Variants in XKR4 observed in about 807,000 individuals in gnomAD.
XKR4 encodes XK related 4.
In XKR4, 12 loss-of-function variants were observed where a neutral mutation model predicts 53.9. The observed-to-expected ratio is 0.22, with a 90% CI of 0.14 to 0.36. The LOEUF is 0.36. Ranked by LOEUF, XKR4 falls within the 10% of genes least tolerant of loss-of-function variation. The pLI, the probability that XKR4 is intolerant of heterozygous loss-of-function variation, is 1.00. For missense variants in XKR4, 799 were observed against 859.5 expected, an observed-to-expected ratio of 0.93 and a Z score of 0.88; for synonymous variants, 354 against 362.4, an observed-to-expected ratio of 0.98 and a Z score of 0.26.
intron 1 of XKR4, among the ~76,000 whole-genome samples, chr8:55,287,890 A>G (rs1175715240): frequency 1.3e-5 from 2 of 152,234 alleles, no homozygotes; most frequent in African/African-American, 4.8e-5. Context: ...GCAGGAATAA[A>G]GGAACTCTGA....
Position 55,304,540 on chromosome 8 carries a change from C to A in XKR4, c.807-53138C>A, listed in dbSNP as rs192043532. ...ACTTGGTGCAGAGCTGAGTTCAATT[C>A]CTGGGTATCCTTGTTAATTTTCTGT... On this transcript the variant is annotated intron_variant, in intron 1 of 2. Transcript: ENST00000327381. 1.5e-4 allele frequency among the ~76,000 whole-genome samples: 23 copies of A among 152,228 alleles called. 1 individual carries two copies. The East Asian group carries it at 3.7e-3, about 24-fold the overall frequency.
chr8:55,367,098 G>A (rs1274533261), intron 2 of XKR4, among the ~76,000 whole-genome samples: 1 of 152,196 alleles, frequency 6.6e-6, no homozygotes, highest in Non-Finnish European at 1.5e-5. Flanking sequence ...CAAAGGAAGA[G>A]CGTTTTCAGC....
chr8:55,114,964 G>C (rs1816286254), intron 1 of XKR4, among the ~76,000 whole-genome samples: 1 of 152,178 alleles, frequency 6.6e-6, no homozygotes. Context: ...CTAGTCATGG[G>C]CATCCCCCCT....
chr8:55,188,850 GGATAAGCAA>G (rs1237281298), intron 1 of XKR4, among the ~76,000 whole-genome samples: 1 of 152,124 alleles, frequency 6.6e-6, no homozygotes, highest in African/African-American at 2.4e-5. Context: ...GTTGTTGGGA[GGATAAGCAA>G]GATAATGCAA....
At chr8:55,251,661 G>A (rs1818364064) in intron 1 of XKR4, among the ~76,000 whole-genome samples, 1 of 152,140 alleles carries the variant, frequency 6.6e-6, no homozygotes, top group African/African-American at 2.4e-5. Context: ...CATGAAGGAA[G>A]TTCATTTCCT....
At chr8:55,110,527 T>C (rs1480766) in intron 1 of XKR4, among the ~76,000 whole-genome samples, 129,077 of 152,160 alleles carry the variant, frequency 0.85, 54,856 homozygotes, top group East Asian at 0.93. Flanking sequence ...TCTAATGGTG[T>C]GGTGAATCAG....
chr8:55,425,382 G>A lies in XKR4; in HGVS notation c.1006+67505G>A, dbSNP rs553782266. Among the ~76,000 whole-genome samples the A allele has an allele frequency of 8.2e-5, 12 of 145,984 alleles. 1 individual carries two copies. Among genetic ancestry groups the A allele is most frequent in the Admixed American group, 4.2e-4 (6 of 14,184 alleles). ...CTTCCTTAGAATCTGTTCTTGCCCCGTTGTTTGTTTCATTCAACGCACTCT... is the reference window on the plus strand; with the variant it reads ...CTTCCTTAGAATCTGTTCTTGCCCCATTGTTTGTTTCATTCAACGCACTCT... On this transcript the variant is annotated intron_variant, in intron 2 of 2. Coordinates refer to ENST00000327381, the MANE Select transcript of XKR4 (RefSeq NM_052898.2).
intron 2 of XKR4, among the ~76,000 whole-genome samples, chr8:55,477,115 C>CT (rs1258270501): frequency 2.6e-5 from 4 of 151,858 alleles, no homozygotes; most frequent in Admixed American, 6.6e-5. Context: ...TCCCTGACCC[C>CT]GAGCAGCCTA....
chr8:55,303,504 G>C (rs1051865875), intron 1 of XKR4, among the ~76,000 whole-genome samples: 2 of 152,096 alleles, frequency 1.3e-5, no homozygotes, highest in African/African-American at 4.8e-5. Context: ...GGATGATGCT[G>C]GCCTCATAAA....
intron 2 of XKR4, among the ~76,000 whole-genome samples, chr8:55,513,020 C>A (rs577599476): frequency 6.6e-6 from 1 of 152,284 alleles, no homozygotes; most frequent in South Asian, 2.1e-4. Flanking sequence ...GTGCCACCTA[C>A]CCCAACACCT....
Position 55,345,984 on chromosome 8 carries a change from C to T in XKR4, c.807-11694C>T, listed in dbSNP as rs74483506. On this transcript the variant is annotated intron_variant, in intron 1 of 2. Coordinates refer to ENST00000327381, the MANE Select transcript of XKR4 (RefSeq NM_052898.2). ...GAAGATATCTAGAGTAGTCAAATCC[C>T]GAGAAGACAAAGTAGAATGGTGTTT... 7.2e-3 allele frequency among the ~76,000 whole-genome samples: 1,093 copies of T among 151,870 alleles called. 6 individuals are homozygous for T. The highest frequency in any genetic ancestry group is 0.017 in the Middle Eastern group (5 of 292).
At chr8:55,421,852 C>G (rs1323851673) in intron 2 of XKR4, among the ~76,000 whole-genome samples, 5 of 152,180 alleles carry the variant, frequency 3.3e-5, no homozygotes, top group African/African-American at 9.7e-5. Context: ...ACTAGGGAAG[C>G]AGCTGCAGGT....
At chr8:55,471,562 G>A (rs1376694843) in intron 2 of XKR4, among the ~76,000 whole-genome samples, 13 of 152,144 alleles carry the variant, frequency 8.5e-5, no homozygotes, top group South Asian at 2.1e-4. Flanking sequence ...GAGCTGTAAA[G>A]CATGGTACAG....
chr8:55,409,216 G>T (rs531350581), intron 2 of XKR4, among the ~76,000 whole-genome samples: 1 of 152,284 alleles, frequency 6.6e-6, no homozygotes, highest in East Asian at 1.9e-4. Flanking sequence ...GGCGTTACAG[G>T]CCTGGCAGGC....
Position 55,453,176 on chromosome 8 carries a change from C to T in XKR4, c.1007-70105C>T. 5.9e-6 allele frequency: 3 copies of T among 505,372 alleles called. No individual in the cohort carries two copies. The Middle Eastern group carries it at 9.3e-4, about 157-fold the overall frequency. The allele number at this position is 505,372 out of a possible 1,614,324, so 31.3% of individuals were successfully genotyped here. A position where few individuals can be genotyped will look rare whatever the true frequency, so the allele number is the denominator to read the frequency against. ...ATGCTCCACACCACGTGCTCCTGCA[C>T]AGAGCTGTAAGAGAACTACCTTACC... On this transcript the variant is annotated intron_variant, in intron 2 of 2. Coordinates refer to ENST00000327381, the MANE Select transcript of XKR4 (RefSeq NM_052898.2).
intron 2 of XKR4, among the ~76,000 whole-genome samples, chr8:55,389,932 C>T (rs888403400): frequency 1.3e-5 from 2 of 152,146 alleles, no homozygotes; most frequent in African/African-American, 2.4e-5. Context: ...CCAAGACTCA[C>T]GTCAATGTTC....
chr8:55,461,316 C>G (rs1228094841), intron 2 of XKR4, among the ~76,000 whole-genome samples: 1 of 152,198 alleles, frequency 6.6e-6, no homozygotes, highest in Non-Finnish European at 1.5e-5. Context: ...TGCAATTCAC[C>G]AATATCTACT....
chr8:55,244,434 A>G (rs1417379112), intron 1 of XKR4, among the ~76,000 whole-genome samples: 1 of 152,204 alleles, frequency 6.6e-6, no homozygotes, highest in African/African-American at 2.4e-5. Context: ...TCCATGGTGT[A>G]TATGTACCAC....
intron 2 of XKR4, among the ~76,000 whole-genome samples, chr8:55,427,791 A>G: frequency 6.6e-6 from 1 of 152,200 alleles, no homozygotes; most frequent in East Asian, 1.9e-4. Context: ...CAAGTATATC[A>G]TTTGTTTATT....
Sources: gnomAD v4.1 joint callset for allele counts (sites outside exome capture counted in the v4.1 genomes callset) on GRCh38, gnomAD v4.1.1 for gene constraint, MANE v1.5 for transcripts, NCBI Gene and HGNC (gene_info 2026-07-23, HGNC 2026-07-21) for gene names.